Variants in PCDH15 observed in about 807,000 individuals in gnomAD.
PCDH15 encodes the protein protocadherin related 15, also known as protocadherin-15.
A neutral mutation model predicts 178.5 loss-of-function variants in PCDH15; 129 were observed. That is an observed-to-expected ratio of 0.72 (90% confidence interval 0.63 to 0.84). PCDH15 has a LOEUF of 0.84. Among genes scored for constraint, PCDH15 ranks in the 40% least tolerant of loss-of-function variants. The pLI, the probability that PCDH15 is intolerant of heterozygous loss-of-function variation, is 0.00. For missense variants in PCDH15, 2,230 were observed against 2,099.9 expected, an observed-to-expected ratio of 1.06 and a Z score of -1.21; for synonymous variants, 800 against 732.0, an observed-to-expected ratio of 1.09 and a Z score of -1.50.
intron 26 of PCDH15, among the ~76,000 whole-genome samples, chr10:53,899,618 T>C (rs1328433083): frequency 6.6e-6 from 1 of 152,238 alleles, no homozygotes; most frequent in Non-Finnish European, 1.5e-5. Context: ...GTAGATGATC[T>C]ACCATTACCT....
At chr10:54,743,833 TA>T (rs1396455512) in intron 1 of PCDH15, among the ~76,000 whole-genome samples, 24 of 150,706 alleles carry the variant, frequency 1.6e-4, no homozygotes, top group South Asian at 2.2e-4. Flanking sequence ...AAAAAGAAAG[TA>T]AAAAGAAACC....
At chr10:54,349,077 T>C (rs933447753) in intron 5 of PCDH15, among the ~76,000 whole-genome samples, 1 of 152,090 alleles carries the variant, frequency 6.6e-6, no homozygotes, top group Admixed American at 6.6e-5. Context: ...TACTATGTCA[T>C]GGAGGTAGAT....
intron 25 of PCDH15, among the ~76,000 whole-genome samples, chr10:53,920,025 T>C (rs920374010): frequency 6.6e-6 from 1 of 152,284 alleles, no homozygotes; most frequent in South Asian, 2.1e-4. Context: ...GTGGAAGTAT[T>C]TCTATATGCC....
At chr10:55,091,819 T>G (rs955362068) in intron 2 of PCDH15, among the ~76,000 whole-genome samples, 1 of 151,876 alleles carries the variant, frequency 6.6e-6, no homozygotes. Context: ...AGGACTCCTG[T>G]AATTTTGATA....
At chr10:55,599,922 GTC>G (rs1268350201) in intron 2 of PCDH15, 1 of 1,527,958 alleles carries the variant, frequency 6.5e-7, no homozygotes, top group African/African-American at 1.4e-5. Context: ...GGGTTTAGCT[GTC>G]TCTTACTTTC....
At chr10:54,622,610 TTA>T (rs1330478743) in intron 2 of PCDH15, among the ~76,000 whole-genome samples, 24 of 93,620 alleles carry the variant, frequency 2.6e-4, no homozygotes, top group African/African-American at 5.4e-4. Context: ...ATATATATAA[TTA>T]TATATAATAT....
intron 21 of PCDH15, among the ~76,000 whole-genome samples, chr10:53,974,794 T>C (rs942546564): frequency 1.3e-5 from 2 of 152,132 alleles, no homozygotes; most frequent in Non-Finnish European, 2.9e-5. Flanking sequence ...TTTCAACTTT[T>C]ATTTTAGGTT....
chr10:54,737,563 C>T (rs1052169190), intron 1 of PCDH15, among the ~76,000 whole-genome samples: 1 of 151,982 alleles, frequency 6.6e-6, no homozygotes, highest in African/African-American at 2.4e-5. Context: ...AAATACTTTG[C>T]TGAAAAGTCA....
chr10:54,722,194 T>C (rs1183598960), intron 1 of PCDH15, among the ~76,000 whole-genome samples: 3 of 151,596 alleles, frequency 2.0e-5, no homozygotes, highest in Non-Finnish European at 4.4e-5. Flanking sequence ...CCTCAACAAA[T>C]TAAACATTGA....
chr10:54,405,588 G>C (rs991468221), intron 3 of PCDH15, among the ~76,000 whole-genome samples: 1 of 151,718 alleles, frequency 6.6e-6, no homozygotes, highest in African/African-American at 2.4e-5. Flanking sequence ...GTAGGTACTA[G>C]GCTTAATGTC....
At chr10:55,108,205 T>G (rs2132053173) in intron 2 of PCDH15, among the ~76,000 whole-genome samples, 1 of 152,244 alleles carries the variant, frequency 6.6e-6, no homozygotes, top group East Asian at 1.9e-4. Flanking sequence ...TGTTTGTTGG[T>G]TAGGCTGCCC....
chr10:55,480,978 G>C (rs575082226), intron 2 of PCDH15, among the ~76,000 whole-genome samples: 4 of 151,548 alleles, frequency 2.6e-5, no homozygotes, highest in African/African-American at 7.3e-5. Flanking sequence ...GGCTTTTTTA[G>C]GTTGATAGGC....
At chr10:54,947,351 T>C (rs1247158262) in intron 2 of PCDH15, among the ~76,000 whole-genome samples, 1 of 151,956 alleles carries the variant, frequency 6.6e-6, no homozygotes, top group Middle Eastern at 3.2e-3. Flanking sequence ...ACTTATATCC[T>C]TGTTTTTGCA....
At chr10:54,168,678 A>C (rs1268105740) in intron 13 of PCDH15, among the ~76,000 whole-genome samples, 1 of 152,108 alleles carries the variant, frequency 6.6e-6, no homozygotes. Context: ...TTTTTCATCA[A>C]ATATAAAAAT....
rs769133098 is a variant in PCDH15, at chr10:53,822,828, A to C, written c.4368-2598T>G. Reference sequence around the variant, plus strand: ...TTGCCTTATTTCCTCTTTCTCTGTCAAATTTGCCTCTTCAGTTGTAAGCAA... The same window carrying C: ...TTGCCTTATTTCCTCTTTCTCTGTCCAATTTGCCTCTTCAGTTGTAAGCAA... On this transcript the variant is annotated intron_variant, in intron 32 of 37. Transcript: ENST00000644397. 3.1e-6 allele frequency: 5 copies of C among 1,613,972 alleles called. No homozygotes were observed. The East Asian group carries it at 8.9e-5, about 29-fold the overall frequency.
At chr10:54,062,985 G>A (rs1283711612) in intron 18 of PCDH15, among the ~76,000 whole-genome samples, 6 of 152,140 alleles carry the variant, frequency 3.9e-5, no homozygotes, top group South Asian at 4.1e-4. Context: ...GCTAAGTGAA[G>A]TTTTTCAGTT....
At chr10:54,159,711 A>G (rs12245040) in intron 13 of PCDH15, among the ~76,000 whole-genome samples, 2,657 of 152,294 alleles carry the variant, frequency 0.017, 88 homozygotes, top group African/African-American at 0.061. Flanking sequence ...ATTATTCATT[A>G]CAATAGGCAA....
In PCDH15 at chr10:54,432,388, C is replaced by G. The variant is rs148214441; in HGVS notation, c.158-53446G>C. Among the ~76,000 whole-genome samples, 48 of 152,128 alleles carry G rather than the reference C, an allele frequency of 3.2e-4. No homozygotes were observed. In the East Asian group the frequency reaches 9.3e-3, roughly 29 times the overall value. ...CTGGGCATACAAACAGACACATGGA[C>G]TAATGAAGCAGAATAGAGAACCCAG... On this transcript the variant is annotated intron_variant, in intron 3 of 37. Coordinates refer to ENST00000644397, the MANE Select transcript of PCDH15 (RefSeq NM_001384140.1).
intron 2 of PCDH15, among the ~76,000 whole-genome samples, chr10:54,627,814 C>A (rs1356793234): frequency 6.6e-6 from 1 of 152,152 alleles, no homozygotes; most frequent in African/African-American, 2.4e-5. Context: ...GGGACATGCA[C>A]AAAATCATTT....
Sources: allele counts gnomAD v4.1 joint callset (sites outside exome capture counted in the v4.1 genomes callset), GRCh38; gene constraint gnomAD v4.1.1; transcripts MANE v1.5; gene names NCBI Gene and HGNC (gene_info 2026-07-23, HGNC 2026-07-21).